The following DNMT3B variants were observed in gnomAD, a reference collection of about 807,000 sequenced individuals.
DNMT3B encodes the protein DNA methyltransferase 3 beta, also known as DNA (cytosine-5)-methyltransferase 3B.
Under a neutral mutation model 120.2 loss-of-function variants are expected in DNMT3B, and 37 were observed. That is an observed-to-expected ratio of 0.31 (90% CI 0.24 to 0.40). The LOEUF (loss-of-function observed/expected upper bound fraction) is 0.40. DNMT3B is among the 10% of genes least tolerant of loss of function. The pLI, the probability that DNMT3B is intolerant of heterozygous loss-of-function variation, is 1.00. For missense variants in DNMT3B, 878 were observed against 1,137.3 expected (o/e 0.77, Z 3.28); for synonymous variants, 412 against 442.8 (o/e 0.93, Z 0.87).
At chr20:32,806,157 C>A (rs1041582383) in intron 21 of DNMT3B, 52 bp from the exon 22 acceptor site, 15 of 1,558,562 alleles carry the variant, frequency 9.6e-6, no homozygotes, top group Middle Eastern at 1.7e-4. Flanking sequence ...AGCCTTGACT[C>A]CCCAGGTCCC....
chr20:32,769,948 TCTTA>T (rs1987618068), intron 1 of DNMT3B, among the ~76,000 whole-genome samples: 1 of 152,172 alleles, frequency 6.6e-6, no homozygotes, highest in Non-Finnish European at 1.5e-5. Flanking sequence ...AGCAGTTATT[TCTTA>T]CTTTTTAAAA....
At chr20:32,770,262 GCCA>G (rs1436345022) in intron 1 of DNMT3B, among the ~76,000 whole-genome samples, 1 of 151,532 alleles carries the variant, frequency 6.6e-6, no homozygotes, top group Non-Finnish European at 1.5e-5. Context: ...ACAGGTGCCC[GCCA>G]CCTCATCAGG....
At chr20:32,800,798 T>C (rs754706579) in intron 17 of DNMT3B, 37 bp from the exon 18 acceptor site, 1 of 1,606,936 alleles carries the variant, frequency 6.2e-7, no homozygotes, top group Non-Finnish European at 8.5e-7. Flanking sequence ...TTTCCCTCTG[T>C]CCACACCCTC....
rs1987888890 is a variant in DNMT3B, at chr20:32,773,773, A to G, written c.-6-6545A>G. Among the ~76,000 whole-genome samples the G allele has an allele frequency of 2.0e-5, 3 of 151,832 alleles. No homozygotes were observed. The South Asian group carries it at 6.2e-4, about 32-fold the overall frequency. On this transcript the variant is annotated intron_variant, in intron 1 of 22. Transcript: ENST00000328111. ...ACTACAGGCGAGTAGCTAGGACTAC[A>G]GGGGCAGGCCGACACATTCAGCTAA... is the stretch of plus-strand genomic sequence containing the variant.
chr20:32,769,154 G>A (rs997691004), intron 1 of DNMT3B, among the ~76,000 whole-genome samples: 1 of 152,112 alleles, frequency 6.6e-6, no homozygotes. Context: ...GCGAGATCTC[G>A]GCTCACTGCA....
intron 1 of DNMT3B, among the ~76,000 whole-genome samples, chr20:32,774,831 T>C (rs929682139): frequency 5.9e-5 from 9 of 151,996 alleles, no homozygotes; most frequent in Middle Eastern, 3.2e-3. Context: ...GTGATTATCC[T>C]GCCCAGCCTC....
intron 1 of DNMT3B, among the ~76,000 whole-genome samples, chr20:32,763,581 G>A (rs1987110098): frequency 6.6e-6 from 1 of 152,232 alleles, no homozygotes; most frequent in East Asian, 1.9e-4. Flanking sequence ...TAAGCTTCCC[G>A]GCTCGTGGTT....
At position 32,807,926 on chromosome 20, in the gene DNMT3B, C is replaced by A. The variant is rs369433698; in HGVS notation, c.*23C>A. 5 of 1,613,956 alleles carry A rather than the reference C, an allele frequency of 3.1e-6. No homozygotes were observed. In the African/African-American group the frequency reaches 6.7e-5, roughly 22 times the overall value. The stretch of plus-strand genomic sequence containing the variant: ...TAGTTCCAGCCAGGCCCCAAGCCCA[C>A]TGGGGTGTGTGGCAGAGCCAGGACC... On this transcript the variant is annotated 3_prime_UTR_variant, in exon 23 of 23. Transcript: ENST00000328111.
intron 1 of DNMT3B, 141 bp from the exon 2 acceptor site, chr20:32,780,177 T>TG: frequency 6.2e-7 from 1 of 1,612,900 alleles, no homozygotes; most frequent in African/African-American, 1.3e-5. Flanking sequence ...GCAGCCTGGG[T>TG]GGGGTACTTG....
intron 1 of DNMT3B, among the ~76,000 whole-genome samples, chr20:32,774,752 C>A (rs527913529): frequency 1.1e-3 from 174 of 151,792 alleles, no homozygotes; most frequent in Middle Eastern, 3.4e-3. Flanking sequence ...GAGTCTCCCC[C>A]TTGTCGCCCA....
chr20:32,808,161 C>A lies in DNMT3B; in HGVS notation c.*258C>A. On this transcript the variant is annotated 3_prime_UTR_variant, in exon 23 of 23. Coordinates refer to ENST00000328111, the MANE Select transcript of DNMT3B (RefSeq NM_006892.4). Reference sequence around the variant, plus strand: ...GTGCTCATTTTTTCTTCTCCTAAAACTTTAAAACTTGAAGTAGGTAGCAAC... The same window carrying A: ...GTGCTCATTTTTTCTTCTCCTAAAAATTTAAAACTTGAAGTAGGTAGCAAC... 1 of 537,408 alleles carries A rather than the reference C, an allele frequency of 1.9e-6. No individual in the cohort carries two copies. The allele number at this position is 537,408 out of a possible 1,614,324, so 33.3% of individuals were successfully genotyped here.
chr20:32,798,731 A>G, intron 15 of DNMT3B, 88 bp downstream of exon 15: 5 of 1,574,318 alleles, frequency 3.2e-6, no homozygotes, highest in Non-Finnish European at 4.3e-6. Context: ...AGAGTAATAG[A>G]AGTAAAGACA....
intron 1 of DNMT3B, 61 bp from the exon 2 acceptor site, chr20:32,780,257 A>C: frequency 1.2e-6 from 2 of 1,613,420 alleles, no homozygotes; most frequent in Non-Finnish European, 1.7e-6. Context: ...TGGCGGGGGA[A>C]CACTGTCCCT....
chr20:32,780,171 C>T (rs748030022), intron 1 of DNMT3B, 147 bp from the exon 2 acceptor site: 1 of 1,613,280 alleles, frequency 6.2e-7, no homozygotes, highest in Non-Finnish European at 8.5e-7. Flanking sequence ...TGGGGGGCAG[C>T]CTGGGTGGGG....
chr20:32,765,816 C>T (rs1407618557), intron 1 of DNMT3B, among the ~76,000 whole-genome samples: 2 of 133,560 alleles, frequency 1.5e-5, no homozygotes, highest in African/African-American at 5.8e-5. Context: ...AGTGCAGTGG[C>T]GCGATCTCCG....
At chr20:32,800,763 GATT>G in intron 17 of DNMT3B, 69 bp from the exon 18 acceptor site, 1 of 1,539,796 alleles carries the variant, frequency 6.5e-7, no homozygotes, top group Non-Finnish European at 9.0e-7. Context: ...CCCCACGCAA[GATT>G]CTAGAAGTGG....
Position 32,801,358 on chromosome 20 carries a change from T to A in DNMT3B, c.2077T>A (p.Phe693Ile). 1 of 1,614,186 alleles carries A rather than the reference T, an allele frequency of 6.2e-7. No individual in the cohort carries two copies. The highest frequency in any genetic ancestry group is 8.5e-7 in the Non-Finnish European group (1 of 1,180,038). Residue 693 changes from phenylalanine (F) to isoleucine (I), a missense_variant, in exon 19 of 23, where the codon TTC (phenylalanine) becomes ATC (isoleucine). Phe to Ile is a conservative substitution (Grantham distance 21). This residue lies in a region of DNMT3B where 334 missense variants were observed against 518.8 expected (regional missense o/e 0.64). Transcript: ENST00000328111. ...CAAGGAGGGTGATGACCGGCCGTTC[T>A]TCTGGATGTTTGAGAATGTTGTAGC... ...RPKEGDDRPF[F>I]WMFENVVAMK...
intron 20 of DNMT3B, among the ~76,000 whole-genome samples, 160 bp downstream of exon 20, chr20:32,802,630 T>C (rs935894440): frequency 4.6e-5 from 7 of 152,222 alleles, no homozygotes; most frequent in Admixed American, 2.6e-4. Flanking sequence ...TCTGTTAAGA[T>C]GTTCAGCAAG....
In DNMT3B at chr20:32,800,205, T is replaced by A; in HGVS notation, c.1812T>A (p.Ser604=). The change falls in exon 17 of 23, where the codon TCT becomes TCA. Residue 604 remains serine, a synonymous_variant. Transcript: ENST00000328111. ...LGIKVGKYVA[S]EVCEESIAVG... is the part of the protein sequence containing the mutation. ...TAAAGGTAGGAAAGTACGTCGCTTC[T>A]GAAGTGTGTGAGGAGTCCATTGCTG... The A allele has an allele frequency of 1.2e-6, 2 of 1,614,200 alleles. No homozygotes were observed. Among genetic ancestry groups the A allele is most frequent in the Non-Finnish European group, 1.7e-6 (2 of 1,180,036 alleles).
Sources: allele counts gnomAD v4.1 joint callset (sites outside exome capture counted in the v4.1 genomes callset), GRCh38; gene constraint gnomAD v4.1.1; regional missense constraint gnomAD v4.1.1; transcripts MANE v1.5; gene names NCBI Gene and HGNC (gene_info 2026-07-23, HGNC 2026-07-21).